GRIN2B: variants seen among roughly 807,000 people sequenced by gnomAD.
The protein encoded by GRIN2B is glutamate receptor ionotropic, NMDA 2B.
GRIN2B carries 5 observed loss-of-function variants against 114.5 expected under a neutral mutation model. The ratio of observed to expected loss-of-function variants is 0.04; its 90% confidence interval spans 0.02 to 0.09. The LOEUF is 0.09. Among genes scored for constraint, GRIN2B ranks in the 10% least tolerant of loss-of-function variants. GRIN2B has a pLI of 1.00. For missense variants in GRIN2B, 1,108 were observed against 1,943.5 expected (o/e 0.57, Z 8.08); for synonymous variants, 787 against 745.1 (o/e 1.06, Z -0.92).
At chr12:13,756,433 G>A (rs181089590) in intron 3 of GRIN2B, among the ~76,000 whole-genome samples, 422 of 152,294 alleles carry the variant, frequency 2.8e-3, no homozygotes, top group Non-Finnish European at 4.8e-3. Flanking sequence ...AGAGGACGAC[G>A]ACAGGAAAGG....
At chr12:13,737,263 G>A (rs1259988504) in intron 4 of GRIN2B, among the ~76,000 whole-genome samples, 1 of 151,250 alleles carries the variant, frequency 6.6e-6, no homozygotes, top group African/African-American at 2.4e-5. Context: ...CCAGGCTGGA[G>A]TGCAGTGGCG....
chr12:13,704,229 G>C (rs1284796715), intron 4 of GRIN2B, among the ~76,000 whole-genome samples: 1 of 152,094 alleles, frequency 6.6e-6, no homozygotes, highest in African/African-American at 2.4e-5. Flanking sequence ...TGCATGAGGA[G>C]GACTTAGCCA....
At chr12:13,957,067 T>C (rs896372175) in intron 2 of GRIN2B, among the ~76,000 whole-genome samples, 1 of 152,148 alleles carries the variant, frequency 6.6e-6, no homozygotes, top group Non-Finnish European at 1.5e-5. Flanking sequence ...TGGAGCAGAA[T>C]AGTGAACAAG....
At chr12:13,594,073 G>T (rs891258834) in intron 10 of GRIN2B, among the ~76,000 whole-genome samples, 2 of 152,208 alleles carry the variant, frequency 1.3e-5, no homozygotes, top group Non-Finnish European at 2.9e-5. Context: ...TACACTGTTG[G>T]TGGGAGTGTA....
chr12:13,680,291 T>C (rs1565497878), intron 4 of GRIN2B, among the ~76,000 whole-genome samples: 1 of 152,094 alleles, frequency 6.6e-6, no homozygotes, highest in Non-Finnish European at 1.5e-5. Flanking sequence ...AAGGATTAAA[T>C]TATAATTAAG....
chr12:13,729,867 C>T (rs1014517053), intron 4 of GRIN2B, among the ~76,000 whole-genome samples: 1 of 151,744 alleles, frequency 6.6e-6, no homozygotes, highest in Non-Finnish European at 1.5e-5. Flanking sequence ...ACATGGCATG[C>T]AGTGGGAACA....
chr12:13,839,131 C>A (rs1271645121), intron 3 of GRIN2B, among the ~76,000 whole-genome samples: 1 of 152,216 alleles, frequency 6.6e-6, no homozygotes, highest in Non-Finnish European at 1.5e-5. Context: ...TCAGCTCTGG[C>A]ACTGTGAAGC....
intron 2 of GRIN2B, among the ~76,000 whole-genome samples, chr12:13,867,803 A>C (rs10845847): frequency 0.67 from 101,730 of 151,500 alleles, 34,517 homozygotes; most frequent in African/African-American, 0.76. Context: ...ACAAACTGCA[A>C]CCAGAACCAA....
intron 3 of GRIN2B, among the ~76,000 whole-genome samples, chr12:13,778,885 T>C (rs1236862698): frequency 6.7e-6 from 1 of 148,216 alleles, no homozygotes; most frequent in East Asian, 2.0e-4. Context: ...TCAAATATTT[T>C]TCTTTAATTT....
intron 4 of GRIN2B, among the ~76,000 whole-genome samples, chr12:13,751,968 C>A (rs923976646): frequency 6.6e-6 from 1 of 152,086 alleles, no homozygotes; most frequent in Admixed American, 6.5e-5. Context: ...CTGTGCCAAG[C>A]AAGGGGCAAT....
At chr12:13,842,071 G>T (rs1865388908) in intron 3 of GRIN2B, among the ~76,000 whole-genome samples, 1 of 152,108 alleles carries the variant, frequency 6.6e-6, no homozygotes, top group Non-Finnish European at 1.5e-5. Flanking sequence ...CACCAAGACT[G>T]GTTCCCTCTT....
At chr12:13,896,198 C>T (rs376944215) in intron 2 of GRIN2B, among the ~76,000 whole-genome samples, 306 of 152,202 alleles carry the variant, frequency 2.0e-3, no homozygotes, top group African/African-American at 7.0e-3. Context: ...TGGCAATAAA[C>T]TCAAAGCTGA....
chr12:13,699,187 T>G (rs1446338029), intron 4 of GRIN2B, among the ~76,000 whole-genome samples: 1 of 152,176 alleles, frequency 6.6e-6, no homozygotes, highest in Non-Finnish European at 1.5e-5. Context: ...TCTGTTCTGA[T>G]TTTCGTATTG....
chr12:13,971,904 C>CA (rs1862926268), intron 2 of GRIN2B, among the ~76,000 whole-genome samples: 1 of 152,208 alleles, frequency 6.6e-6, no homozygotes, highest in Non-Finnish European at 1.5e-5. Context: ...CCCTTGGGTG[C>CA]AAGCTGTAGA....
intron 5 of GRIN2B, among the ~76,000 whole-genome samples, chr12:13,670,844 C>T (rs975200916): frequency 6.6e-6 from 1 of 152,136 alleles, no homozygotes; most frequent in Non-Finnish European, 1.5e-5. Flanking sequence ...GAATCAAATT[C>T]TGATCCAGAG....
chr12:13,834,282 C>T (rs888114304), intron 3 of GRIN2B, among the ~76,000 whole-genome samples: 1 of 150,716 alleles, frequency 6.6e-6, no homozygotes, highest in Non-Finnish European at 1.5e-5. Context: ...CGTGATCCAC[C>T]CTCCTCGGCC....
intron 9 of GRIN2B, 149 bp from the exon 10 acceptor site, chr12:13,608,981 G>C (rs1336937573): frequency 1.5e-6 from 1 of 688,766 alleles, no homozygotes. Flanking sequence ...AAATTTGAGA[G>C]TGTGTATCTC....
intron 2 of GRIN2B, among the ~76,000 whole-genome samples, chr12:13,882,256 A>G (rs1221590426): frequency 6.6e-6 from 1 of 152,208 alleles, no homozygotes; most frequent in Admixed American, 6.5e-5. Flanking sequence ...AGCTTTCCCA[A>G]GAGATCTGTC....
At position 13,538,490 on chromosome 12, in the gene GRIN2B, C is replaced by T. The variant is rs1948237741; in HGVS notation, c.*24293G>A. ...TCCTACTGGAGGTTCCCACCATAAT[C>T]CAGATAAATACTCGCAAGCTTCCTT... On this transcript the variant is annotated 3_prime_UTR_variant, in exon 14 of 14. Transcript: ENST00000609686. The T allele has an allele frequency of 2.6e-5, 4 of 152,172 alleles. No homozygotes were observed. The South Asian group carries it at 8.3e-4, about 32-fold the overall frequency. The allele number at this position is 152,172 out of a possible 1,614,324, so 9.4% of individuals were successfully genotyped here.
Sources: gnomAD v4.1 joint callset for allele counts (sites outside exome capture counted in the v4.1 genomes callset) on GRCh38, gnomAD v4.1.1 for gene constraint, MANE v1.5 for transcripts, NCBI Gene and HGNC (gene_info 2026-07-23, HGNC 2026-07-21) for gene names.